ACSBG2: variants seen among roughly 807,000 people sequenced by gnomAD.
The protein encoded by ACSBG2 is long-chain-fatty-acid--CoA ligase ACSBG2.
In ACSBG2, 62 loss-of-function variants were observed where a neutral mutation model predicts 74.7. That is an observed-to-expected ratio of 0.83 (90% confidence interval 0.68 to 1.03). The LOEUF is 1.03. ACSBG2 is among the 50% of genes least tolerant of loss of function. The probability of loss-of-function intolerance (pLI) is 0.00; values close to 1 mark genes in which losing one functional copy is unlikely to be tolerated. For missense variants in ACSBG2, 730 were observed against 817.6 expected (o/e 0.89, Z 1.31); for synonymous variants, 309 against 294.1 (o/e 1.05, Z -0.52).
intron 10 of ACSBG2, 29 bp downstream of exon 10, chr19:6,183,301 C>T (rs749443021): frequency 8.1e-6 from 13 of 1,597,260 alleles, no homozygotes; most frequent in Non-Finnish European, 1.0e-5. Context: ...GACCCCTGCT[C>T]CTCCCATAAC....
chr19:6,181,193 C>T (rs2090240572), intron 8 of ACSBG2, among the ~76,000 whole-genome samples: 1 of 130,150 alleles, frequency 7.7e-6, no homozygotes, highest in Non-Finnish European at 1.6e-5. Context: ...CACTGGACTC[C>T]AACCGGGGCA....
intron 2 of ACSBG2, among the ~76,000 whole-genome samples, chr19:6,142,944 C>T (rs894151070): frequency 2.0e-5 from 3 of 151,966 alleles, no homozygotes; most frequent in African/African-American, 7.3e-5. Flanking sequence ...GAAAACTGGC[C>T]GGGCACAGTT....
chr19:6,183,126 C>G lies in ACSBG2; in HGVS notation c.1176C>G (p.His392Gln), dbSNP rs1772812122. ...CATCCCTTGGCTTGGATCACTGTCACTCTTTTATCAGTGGGACTGCGCCCC... is the reference window on the plus strand; with the variant it reads ...CATCCCTTGGCTTGGATCACTGTCAGTCTTTTATCAGTGGGACTGCGCCCC... Reference protein sequence around the residue: ...VKTSLGLDHCHSFISGTAPLN... With the variant: ...VKTSLGLDHCQSFISGTAPLN... Residue 392 changes from histidine (H) to glutamine (Q), a missense_variant, in exon 10 of 15, where the codon CAC becomes CAG. By Grantham distance (24) the His-to-Gln change is conservative. Coordinates refer to ENST00000588485, the MANE Select transcript of ACSBG2 (RefSeq NM_030924.5). 1.2e-6 allele frequency: 2 copies of G among 1,614,238 alleles called. No individual in the cohort carries two copies. Among genetic ancestry groups the G allele is most frequent in the South Asian group, 2.2e-5 (2 of 91,080 alleles).
chr19:6,181,340 G>C (rs1207963568), intron 8 of ACSBG2, among the ~76,000 whole-genome samples: 2 of 146,544 alleles, frequency 1.4e-5, no homozygotes, highest in East Asian at 3.9e-4. Context: ...AAAAGAGGAA[G>C]GAAGGAAGGA....
intron 7 of ACSBG2, among the ~76,000 whole-genome samples, chr19:6,168,348 C>T (rs1330173331): frequency 1.3e-5 from 2 of 152,192 alleles, no homozygotes; most frequent in Non-Finnish European, 2.9e-5. Flanking sequence ...TCAGTGAAGC[C>T]CTCCCTAACT....
intron 8 of ACSBG2, among the ~76,000 whole-genome samples, chr19:6,179,777 TA>T (rs2090194207): frequency 6.6e-6 from 1 of 152,048 alleles, no homozygotes; most frequent in South Asian, 2.1e-4. Context: ...CACGCCCAGC[TA>T]ATTTTTGTAT....
Position 6,183,104 on chromosome 19 carries a change from C to A in ACSBG2, c.1154C>A (p.Ser385Tyr), listed in dbSNP as rs781413421. The A allele has an allele frequency of 2.5e-6, 4 of 1,614,218 alleles. No individual in the cohort carries two copies. Among genetic ancestry groups the A allele is most frequent in the Admixed American group, 3.3e-5 (2 of 60,018 alleles). The change falls in exon 10 of 15, where the codon TCC becomes TAC. Residue 385 changes from serine to tyrosine, a missense_variant. By Grantham distance (144) the Ser-to-Tyr change is moderately radical. Transcript: ENST00000588485. ...KTLVFSKVKTSLGLDHCHSFI... is the reference protein window; with the variant it reads ...KTLVFSKVKTYLGLDHCHSFI... ...CTCGTGTTCAGCAAAGTCAAGACATCCCTTGGCTTGGATCACTGTCACTCT... is the reference window on the plus strand; with the variant it reads ...CTCGTGTTCAGCAAAGTCAAGACATACCTTGGCTTGGATCACTGTCACTCT...
At chr19:6,147,156 T>C (rs2089063595) in intron 2 of ACSBG2, among the ~76,000 whole-genome samples, 1 of 151,998 alleles carries the variant, frequency 6.6e-6, no homozygotes, top group African/African-American at 2.4e-5. Flanking sequence ...GCAGGATAGA[T>C]GTGTGATAAA....
intron 4 of ACSBG2, among the ~76,000 whole-genome samples, chr19:6,152,229 C>T (rs1016525185): frequency 7.9e-5 from 12 of 151,846 alleles, no homozygotes; most frequent in Non-Finnish European, 1.6e-4. Flanking sequence ...CCTCCCAACT[C>T]GGCCTCCAGG....
At chr19:6,170,514 G>A (rs1231395481) in intron 7 of ACSBG2, among the ~76,000 whole-genome samples, 1 of 152,128 alleles carries the variant, frequency 6.6e-6, no homozygotes, top group Non-Finnish European at 1.5e-5. Context: ...AGTCATTAAG[G>A]AGCAAGTTGC....
At chr19:6,161,077 G>A (rs931021030) in intron 5 of ACSBG2, 138 bp from the exon 6 acceptor site, 3 of 574,382 alleles carry the variant, frequency 5.2e-6, no homozygotes, top group Non-Finnish European at 8.7e-6. Context: ...TCCAGCCTGG[G>A]CGACAGAGCA....
At chr19:6,142,939 C>A (rs576386939) in intron 2 of ACSBG2, among the ~76,000 whole-genome samples, 171 of 152,136 alleles carry the variant, frequency 1.1e-3, no homozygotes, top group Non-Finnish European at 2.1e-3. Flanking sequence ...CCCTAGAAAA[C>A]TGGCCGGGCA....
chr19:6,144,369 A>G (rs1160026575), intron 2 of ACSBG2, among the ~76,000 whole-genome samples: 1 of 152,224 alleles, frequency 6.6e-6, no homozygotes, highest in Non-Finnish European at 1.5e-5. Flanking sequence ...TCTTTATAAA[A>G]GGAGGAAATA....
chr19:6,157,702 C>T (rs1247147210), intron 5 of ACSBG2, among the ~76,000 whole-genome samples: 1 of 151,708 alleles, frequency 6.6e-6, no homozygotes, highest in Non-Finnish European at 1.5e-5. Context: ...TAGGCATGAG[C>T]CCCCATGCCC....
intron 4 of ACSBG2, among the ~76,000 whole-genome samples, chr19:6,155,396 T>C (rs1209655000): frequency 1.3e-5 from 2 of 152,110 alleles, no homozygotes; most frequent in African/African-American, 2.4e-5. Flanking sequence ...TAGTCAAAGA[T>C]TTCTTAGACA....
intron 6 of ACSBG2, among the ~76,000 whole-genome samples, chr19:6,163,951 A>AAAAG (rs1015223184): frequency 5.9e-5 from 9 of 152,264 alleles, no homozygotes; most frequent in Middle Eastern, 3.4e-3. Context: ...CTCAAAAGAA[A>AAAAG]AAAGAAAGAA....
intron 14 of ACSBG2, chr19:6,192,100 A>G (rs1248952174): frequency 4.6e-5 from 7 of 151,364 alleles, no homozygotes; most frequent in Non-Finnish European, 8.8e-5. Context: ...AAAAAAATAG[A>G]ATATACAATA....
At position 6,183,243 on chromosome 19, in the gene ACSBG2, A is replaced by T; in HGVS notation, c.1293A>T (p.Ile431=). ...GLSESSGPHT[I]SNQNNYRLLS... ...GTGAGAGCTCGGGACCCCACACGAT[A>T]TCCAACCAGAATAACTACAGGCTTC... The change falls in exon 10 of 15, where the codon ATA becomes ATT. Residue 431 remains isoleucine (I), a synonymous_variant. Transcript: ENST00000588485. The T allele has an allele frequency of 6.2e-7, 1 of 1,614,130 alleles. No homozygotes were observed. Among genetic ancestry groups the T allele is most frequent in the South Asian group, 1.1e-5 (1 of 91,074 alleles).
At chr19:6,190,846 C>A in intron 14 of ACSBG2, 154 bp downstream of exon 14, 1 of 562,526 alleles carries the variant, frequency 1.8e-6, no homozygotes, top group Non-Finnish European at 3.2e-6. Context: ...CACACACACA[C>A]ACACACTCTT....
Sources: gnomAD v4.1 joint callset for allele counts (sites outside exome capture counted in the v4.1 genomes callset) on GRCh38, gnomAD v4.1.1 for gene constraint, MANE v1.5 for transcripts, NCBI Gene and HGNC (gene_info 2026-07-23, HGNC 2026-07-21) for gene names.